MACROD2: variants seen among roughly 807,000 people sequenced by gnomAD.
The protein encoded by MACROD2 is ADP-ribose glycohydrolase MACROD2.
Under a neutral mutation model 70.4 loss-of-function variants are expected in MACROD2, and 36 were observed. That is an observed-to-expected ratio of 0.51 (90% confidence interval 0.39 to 0.68). The LOEUF (loss-of-function observed/expected upper bound fraction) is 0.68. Among genes scored for constraint, MACROD2 ranks in the 30% least tolerant of loss-of-function variants. MACROD2 has a pLI of 0.00. For missense variants in MACROD2, 496 were observed against 538.4 expected, an observed-to-expected ratio of 0.92 and a Z score of 0.78; for synonymous variants, 172 against 178.8, an observed-to-expected ratio of 0.96 and a Z score of 0.30.
In MACROD2 at chr20:15,433,459, CA is replaced by C. The variant is rs60298297; in HGVS notation, c.571+2044del. 3.3e-3 allele frequency among the ~76,000 whole-genome samples: 287 copies of C among 88,238 alleles called. 2 individuals are homozygous for C. Among genetic ancestry groups the C allele is most frequent in the South Asian group, 0.02 (58 of 2,888 alleles). 57.9% of individuals were successfully genotyped at this position (88,238 alleles called of 152,430 possible). On this transcript the variant is annotated intron_variant, in intron 7 of 17. Coordinates refer to ENST00000684519, the MANE Select transcript of MACROD2 (RefSeq NM_001351661.2). ...AACTCAATCCCTTTCACAAGAGCTG[CA>C]AAAAAAAAAAAAAAAAAAAGATAAA...
chr20:15,442,067 A>G (rs2046501599), intron 7 of MACROD2, among the ~76,000 whole-genome samples: 1 of 152,136 alleles, frequency 6.6e-6, no homozygotes, highest in Non-Finnish European at 1.5e-5. Context: ...TTTCTCATCT[A>G]GTCTTGAATG....
At chr20:14,712,792 A>C (rs1182079538) in intron 5 of MACROD2, among the ~76,000 whole-genome samples, 1 of 152,074 alleles carries the variant, frequency 6.6e-6, no homozygotes, top group Non-Finnish European at 1.5e-5. Flanking sequence ...TTGGGAAGAG[A>C]ATACAATAGG....
chr20:14,694,629 T>G (rs559112084), intron 5 of MACROD2, among the ~76,000 whole-genome samples: 1 of 152,320 alleles, frequency 6.6e-6, no homozygotes, highest in Non-Finnish European at 1.5e-5. Context: ...ATGAGTTACA[T>G]ATAAATTAAT....
intron 4 of MACROD2, among the ~76,000 whole-genome samples, chr20:14,497,523 C>G (rs956560701): frequency 6.6e-6 from 1 of 151,602 alleles, no homozygotes; most frequent in Non-Finnish European, 1.5e-5. Flanking sequence ...TTTACGGTCT[C>G]TTACTTTAGA....
chr20:14,774,110 A>C (rs1402604419), intron 5 of MACROD2, among the ~76,000 whole-genome samples: 1 of 152,032 alleles, frequency 6.6e-6, no homozygotes, highest in Admixed American at 6.6e-5. Context: ...TGATATTATC[A>C]TAGAGGAATA....
intron 5 of MACROD2, among the ~76,000 whole-genome samples, chr20:14,882,810 T>A (rs188208819): frequency 6.6e-6 from 1 of 152,010 alleles, no homozygotes; most frequent in East Asian, 1.9e-4. Flanking sequence ...AAAGTTTAGA[T>A]CGCTCCCTGA....
intron 8 of MACROD2, among the ~76,000 whole-genome samples, chr20:15,541,612 C>A (rs578112276): frequency 6.6e-6 from 1 of 152,252 alleles, no homozygotes; most frequent in African/African-American, 2.4e-5. Flanking sequence ...CAGTTTTCTT[C>A]AGAAAACTGG....
chr20:14,739,516 G>A lies in MACROD2; in HGVS notation c.418+54557G>A, dbSNP rs186290330. Among the ~76,000 whole-genome samples the A allele has an allele frequency of 9.8e-3, 1,470 of 149,798 alleles. 25 individuals are homozygous for A. Among genetic ancestry groups the A allele is most frequent in the African/African-American group, 0.033 (1,349 of 41,074 alleles). On this transcript the variant is annotated intron_variant, in intron 5 of 17. Coordinates refer to ENST00000684519, the MANE Select transcript of MACROD2 (RefSeq NM_001351661.2). ...CAAGATTTTTCACTGTCTACACTTTGTTTATATAAAAACAACTTATAAGAC... is the reference window on the plus strand; with the variant it reads ...CAAGATTTTTCACTGTCTACACTTTATTTATATAAAAACAACTTATAAGAC...
intron 3 of MACROD2, among the ~76,000 whole-genome samples, chr20:14,345,045 A>G (rs2083049747): frequency 6.6e-6 from 1 of 152,184 alleles, no homozygotes; most frequent in South Asian, 2.1e-4. Context: ...CTGACCAAAG[A>G]GTAGGAAAGG....
At chr20:15,238,400 C>G (rs2077032838) in intron 6 of MACROD2, among the ~76,000 whole-genome samples, 2 of 151,960 alleles carry the variant, frequency 1.3e-5, no homozygotes, top group South Asian at 2.1e-4. Flanking sequence ...TCTCATAATC[C>G]TAACCTTTGA....
At chr20:14,012,322 T>A in intron 2 of MACROD2, among the ~76,000 whole-genome samples, 1 of 152,264 alleles carries the variant, frequency 6.6e-6, no homozygotes, top group East Asian at 1.9e-4. Context: ...TGTCATATAA[T>A]GACTTTGCTT....
At chr20:15,988,883 G>C (rs1472010335) in intron 15 of MACROD2, among the ~76,000 whole-genome samples, 1 of 152,024 alleles carries the variant, frequency 6.6e-6, no homozygotes, top group East Asian at 1.9e-4. Context: ...CATCACATTT[G>C]TCATCTTATA....
chr20:15,282,901 T>C (rs2146091354), intron 6 of MACROD2, among the ~76,000 whole-genome samples: 1 of 152,248 alleles, frequency 6.6e-6, no homozygotes, highest in African/African-American at 2.4e-5. Context: ...AACTGGGTAA[T>C]TTATAAAGGA....
At chr20:15,660,052 C>T (rs900102355) in intron 8 of MACROD2, among the ~76,000 whole-genome samples, 1 of 151,800 alleles carries the variant, frequency 6.6e-6, no homozygotes, top group African/African-American at 2.4e-5. Flanking sequence ...CATTGTATCC[C>T]CAGAACTTCA....
chr20:14,170,019 G>A (rs888040513), intron 3 of MACROD2, among the ~76,000 whole-genome samples: 1 of 151,986 alleles, frequency 6.6e-6, no homozygotes, highest in African/African-American at 2.4e-5. Flanking sequence ...TCAGCCTCCT[G>A]AATAGCTGGG....
At chr20:14,351,628 A>G (rs2083124016) in intron 3 of MACROD2, among the ~76,000 whole-genome samples, 1 of 152,088 alleles carries the variant, frequency 6.6e-6, no homozygotes, top group Admixed American at 6.5e-5. Context: ...CAGTTCTAAT[A>G]GTTTTTGGTG....
intron 8 of MACROD2, among the ~76,000 whole-genome samples, chr20:15,749,389 C>G (rs764425170): frequency 6.6e-6 from 1 of 151,926 alleles, no homozygotes; most frequent in Non-Finnish European, 1.5e-5. Flanking sequence ...TTATATTTCT[C>G]TATTATATAT....
intron 8 of MACROD2, among the ~76,000 whole-genome samples, chr20:15,514,877 G>A (rs1019471004): frequency 1.3e-5 from 2 of 152,114 alleles, no homozygotes; most frequent in Non-Finnish European, 2.9e-5. Flanking sequence ...ATCATCAAAA[G>A]CATTGTATTT....
intron 7 of MACROD2, among the ~76,000 whole-genome samples, chr20:15,492,346 A>T (rs933296072): frequency 3.9e-5 from 5 of 128,556 alleles, no homozygotes; most frequent in Non-Finnish European, 7.0e-5. Context: ...CTGCCATCAC[A>T]TCCTCCATCT....
Sources: allele counts gnomAD v4.1 joint callset (sites outside exome capture counted in the v4.1 genomes callset), GRCh38; gene constraint gnomAD v4.1.1; transcripts MANE v1.5; gene names NCBI Gene and HGNC (gene_info 2026-07-23, HGNC 2026-07-21).